Variants in PARP6 observed in about 807,000 individuals in gnomAD.
The protein encoded by PARP6 is protein mono-ADP-ribosyltransferase PARP6.
A neutral mutation model predicts 92.0 loss-of-function variants in PARP6; 27 were observed. The observed-to-expected ratio is 0.29, with a 90% CI of 0.22 to 0.40. The LOEUF (loss-of-function observed/expected upper bound fraction) is 0.40. PARP6 is among the 10% of genes least tolerant of loss of function. The probability of loss-of-function intolerance (pLI) is 1.00; values close to 1 mark genes in which losing one functional copy is unlikely to be tolerated. For synonymous variants in PARP6, 272 were observed against 281.2 expected, an observed-to-expected ratio of 0.97 and a Z score of 0.33; for missense variants, 501 against 784.5, an observed-to-expected ratio of 0.64 and a Z score of 4.32.
At chr15:72,249,592 T>C (rs189895664) in intron 19 of PARP6, among the ~76,000 whole-genome samples, 1 of 152,204 alleles carries the variant, frequency 6.6e-6, no homozygotes, top group East Asian at 1.9e-4. Flanking sequence ...CAGGCCTTGG[T>C]ACATATGCAG....
intron 14 of PARP6, among the ~76,000 whole-genome samples, chr15:72,256,159 T>C (rs2085099301): frequency 6.6e-6 from 1 of 152,132 alleles, no homozygotes; most frequent in African/African-American, 2.4e-5. Flanking sequence ...GATAAGGAGA[T>C]TGAAGTTTAG....
At chr15:72,257,546 T>C (rs1229708754) in intron 12 of PARP6, 106 bp from the exon 13 acceptor site, 2 of 821,992 alleles carry the variant, frequency 2.4e-6, no homozygotes, top group East Asian at 2.5e-5. Flanking sequence ...GGGTAGGAAT[T>C]TGAGGCCCTC....
chr15:72,260,590 C>T lies in PARP6; in HGVS notation c.644G>A (p.Cys215Tyr). The T allele has an allele frequency of 1.2e-6, 2 of 1,614,172 alleles. No individual in the cohort carries two copies. The highest frequency in any genetic ancestry group is 1.7e-6 in the Non-Finnish European group (2 of 1,180,022). Residue 215 changes from cysteine (C) to tyrosine (Y), a missense_variant, in exon 10 of 24, where the codon TGT (cysteine) becomes TAT (tyrosine). Coordinates refer to ENST00000569795, the MANE Select transcript of PARP6 (RefSeq NM_001323532.2). ...VGRLMNRSIS[C>Y]TMKNPKVEVF... ...TTCCACTTTGGGGTTCTTCATGGTA[C>T]AGGAGATGGAACGGTTCATGAGGCG...
intron 8 of PARP6, among the ~76,000 whole-genome samples, chr15:72,263,994 G>T (rs12914269): frequency 0.037 from 5,522 of 149,856 alleles, 178 homozygotes; most frequent in African/African-American, 0.088. Flanking sequence ...CTGCACTCCA[G>T]CCTGGGTGAG....
At chr15:72,255,461 C>G (rs1204247715) in intron 14 of PARP6, among the ~76,000 whole-genome samples, 1 of 151,780 alleles carries the variant, frequency 6.6e-6, no homozygotes, top group African/African-American at 2.4e-5. Flanking sequence ...ACCATGTTGG[C>G]CAGGCTGGTC....
At chr15:72,256,388 C>G (rs1259316162) in intron 14 of PARP6, 77 bp downstream of exon 14, 12 of 1,251,208 alleles carry the variant, frequency 9.6e-6, no homozygotes, top group Non-Finnish European at 4.2e-6. Context: ...CCTGTATATA[C>G]CAGAATGTCA....
In PARP6 at chr15:72,261,450, G is replaced by A. The variant is rs895708948; in HGVS notation, c.545+108C>T. ...TGTGAGTGGTGTCAGTAGTTAAAGA[G>A]ACAGAATTCAGGGAAGAGAGGGGAT... On this transcript the variant is annotated intron_variant, in intron 9 of 23. Transcript: ENST00000569795. 6 of 995,620 alleles carry A rather than the reference G, an allele frequency of 6.0e-6. No individual in the cohort carries two copies. In the Admixed American group the frequency reaches 1.2e-4, roughly 20 times the overall value. The allele number at this position is 995,620 out of a possible 1,614,324, so 61.7% of individuals were successfully genotyped here. A position where few individuals can be genotyped will look rare whatever the true frequency, so the allele number is the denominator to read the frequency against.
intron 14 of PARP6, among the ~76,000 whole-genome samples, chr15:72,256,104 C>T (rs900673327): frequency 3.9e-5 from 6 of 152,126 alleles, no homozygotes; most frequent in African/African-American, 1.4e-4. Context: ...GCCTACTTCT[C>T]ATTTGTATAA....
At chr15:72,260,357 C>A in intron 10 of PARP6, 121 bp downstream of exon 10, 1 of 752,946 alleles carries the variant, frequency 1.3e-6, no homozygotes. Flanking sequence ...ATGGTACATA[C>A]CTAGGTTTGA....
At chr15:72,251,033 A>G (rs1456915639) in intron 17 of PARP6, 79 bp from the exon 18 acceptor site, 1 of 1,149,396 alleles carries the variant, frequency 8.7e-7, no homozygotes, top group Non-Finnish European at 1.3e-6. Context: ...GGGATAGGGG[A>G]AAAAATCAGG....
Position 72,267,542 on chromosome 15 carries a change from GA to G in PARP6, c.-66del. 2 of 1,586,444 alleles carry G rather than the reference GA, an allele frequency of 1.3e-6. No homozygotes were observed. The highest frequency in any genetic ancestry group is 1.7e-6 in the Non-Finnish European group (2 of 1,155,320). On this transcript the variant is annotated 5_prime_UTR_variant, in exon 3 of 24. It introduces an in-frame stop codon into an upstream open reading frame of the 5' UTR. Coordinates refer to ENST00000569795, the MANE Select transcript of PARP6 (RefSeq NM_001323532.2). ...GCAGCACCCCTCCATACCACTAGCC[GA>G]ACCAAGGCCAACGAGATGGGCATTT...
chr15:72,249,546 A>C (rs1254704402), intron 19 of PARP6, among the ~76,000 whole-genome samples: 1 of 152,236 alleles, frequency 6.6e-6, no homozygotes, highest in Non-Finnish European at 1.5e-5. Context: ...TGGTAGAACC[A>C]CTGAGTCAGT....
chr15:72,254,052 C>T (rs1330046756), intron 15 of PARP6: 1 of 464,990 alleles, frequency 2.2e-6, no homozygotes. Context: ...GGTCACCGCT[C>T]CATGTGGCTG....
At chr15:72,249,604 T>C (rs2084070225) in intron 19 of PARP6, among the ~76,000 whole-genome samples, 1 of 151,904 alleles carries the variant, frequency 6.6e-6, no homozygotes, top group Non-Finnish European at 1.5e-5. Context: ...CATATGCAGA[T>C]TCCAAAAAAG....
At chr15:72,263,343 T>C (rs537041419) in intron 8 of PARP6, among the ~76,000 whole-genome samples, 1 of 152,346 alleles carries the variant, frequency 6.6e-6, no homozygotes, top group African/African-American at 2.4e-5. Context: ...AATCACACTT[T>C]AGCTCTGGCC....
intron 3 of PARP6, chr15:72,267,228 CTCT>C: frequency 1.7e-6 from 1 of 582,566 alleles, no homozygotes; most frequent in South Asian, 2.1e-5. Flanking sequence ...CACCTAAACT[CTCT>C]TGTCTCATTA....
At chr15:72,248,365 G>A (rs1386848010) in intron 20 of PARP6, among the ~76,000 whole-genome samples, 3 of 147,902 alleles carry the variant, frequency 2.0e-5, no homozygotes, top group East Asian at 3.9e-4. Flanking sequence ...TTTTTGAGAC[G>A]GGGTCTCCCT....
rs2141160021 is a variant in PARP6 at position 72,272,429 on chromosome 15, C to T, written c.-496G>A. 6.6e-6 allele frequency: 1 copy of T among 152,496 alleles called. No individual in the cohort carries two copies. Among genetic ancestry groups the T allele is most frequent in the South Asian group, 2.1e-4 (1 of 4,830 alleles). 9.4% of individuals were successfully genotyped at this position (152,496 alleles called of 1,614,324 possible). Reference sequence around the variant, plus strand: ...CTGCGGAGACGGGGCGAGCCCCGCACCCTTCCCGTGGCCCGGCCGCACCGC... The same window carrying T: ...CTGCGGAGACGGGGCGAGCCCCGCATCCTTCCCGTGGCCCGGCCGCACCGC... On this transcript the variant is annotated 5_prime_UTR_variant, in exon 1 of 24. It adds an upstream start codon to the 5' untranslated region. Coordinates refer to ENST00000569795, the MANE Select transcript of PARP6 (RefSeq NM_001323532.2).
At chr15:72,255,393 C>T (rs960245773) in intron 14 of PARP6, among the ~76,000 whole-genome samples, 1 of 152,112 alleles carries the variant, frequency 6.6e-6, no homozygotes, top group African/African-American at 2.4e-5. Context: ...GCTGAGATTA[C>T]AGGTGCCCAC....
Sources: allele counts gnomAD v4.1 joint callset (sites outside exome capture counted in the v4.1 genomes callset), GRCh38; gene constraint gnomAD v4.1.1; transcripts MANE v1.5; gene names NCBI Gene and HGNC (gene_info 2026-07-23, HGNC 2026-07-21).